Variants in MLXIP observed in about 807,000 individuals in gnomAD.
MLXIP encodes the protein MLX-interacting protein.
MLXIP carries 30 observed loss-of-function variants against 87.2 expected under a neutral mutation model. The observed-to-expected ratio is 0.34, with a 90% CI of 0.26 to 0.47. The LOEUF is 0.47. Among genes scored for constraint, MLXIP ranks in the 20% least tolerant of loss-of-function variants. The pLI is 1.00. For synonymous variants in MLXIP, 530 were observed against 514.0 expected (o/e 1.03, Z -0.42); for missense variants, 1,002 against 1,240.1 (o/e 0.81, Z 2.88).
At chr12:122,115,310 G>A (rs1056042539) in intron 1 of MLXIP, among the ~76,000 whole-genome samples, 12 of 152,036 alleles carry the variant, frequency 7.9e-5, no homozygotes, top group African/African-American at 2.7e-4. Flanking sequence ...AGTAGTGGCT[G>A]GGCGCGGTGT....
intron 1 of MLXIP, among the ~76,000 whole-genome samples, chr12:122,082,679 T>A (rs1952108496): frequency 6.6e-6 from 1 of 152,244 alleles, no homozygotes; most frequent in South Asian, 2.1e-4. Context: ...AAATGCCTGC[T>A]TGACAAATAC....
intron 1 of MLXIP, among the ~76,000 whole-genome samples, chr12:122,105,036 T>A (rs927946404): frequency 6.6e-6 from 1 of 152,232 alleles, no homozygotes; most frequent in Non-Finnish European, 1.5e-5. Flanking sequence ...TCTAAACCAC[T>A]AAATCACGTG....
intron 1 of MLXIP, among the ~76,000 whole-genome samples, chr12:122,120,169 C>T (rs1040654846): frequency 9.2e-6 from 1 of 109,114 alleles, no homozygotes; most frequent in Non-Finnish European, 1.9e-5. Flanking sequence ...CTTTCCCCCT[C>T]CCCCCTTCTT....
At position 122,133,619 on chromosome 12, in the gene MLXIP, C is replaced by T. The variant is rs1265971817; in HGVS notation, c.1364C>T (p.Pro455Leu). ...PISPVLPLVP[P>L]PATALNPPAP... Reference sequence around the variant, plus strand: ...TCCCCCGTGTTACCATTAGTTCCTCCTCCTGCCACTGCCCTGAACCCCCCG... The same window carrying T: ...TCCCCCGTGTTACCATTAGTTCCTCTTCCTGCCACTGCCCTGAACCCCCCG... Residue 455 changes from proline (P) to leucine (L), a missense_variant, in exon 9 of 17, where the codon CCT becomes CTT. Coordinates refer to ENST00000319080, the MANE Select transcript of MLXIP (RefSeq NM_014938.6). The surrounding 1 kb of genome is among the most constrained non-coding windows in gnomAD (Gnocchi z 4.9). 1.9e-6 allele frequency: 3 copies of T among 1,611,932 alleles called. No individual in the cohort carries two copies. The highest frequency in any genetic ancestry group is 1.3e-5 in the African/African-American group (1 of 74,790).
At chr12:122,123,835 G>A (rs995553727) in intron 1 of MLXIP, among the ~76,000 whole-genome samples, 1 of 152,276 alleles carries the variant, frequency 6.6e-6, no homozygotes, top group South Asian at 2.1e-4. Flanking sequence ...CAGTAGCTAG[G>A]ACTACAGACG....
At chr12:122,129,063 T>G in intron 3 of MLXIP, 74 bp from the exon 4 acceptor site, 2 of 1,242,610 alleles carry the variant, frequency 1.6e-6, no homozygotes, top group Non-Finnish European at 2.3e-6. Context: ...TAGTGCCGGA[T>G]ACTCAGTACA....
Position 122,078,877 on chromosome 12 carries a change from C to T in MLXIP, c.24C>T (p.Cys8=). The T allele has an allele frequency of 1.8e-6, 2 of 1,127,738 alleles. No individual in the cohort carries two copies. The highest frequency in any genetic ancestry group is 2.2e-6 in the Non-Finnish European group (2 of 918,718). The allele number at this position is 1,127,738 out of a possible 1,614,324, so 69.9% of individuals were successfully genotyped here. A position where few individuals can be genotyped will look rare whatever the true frequency, so the allele number is the denominator to read the frequency against. MAADVFM[C]SPRRPRSRGR... ...TCATGGCCGCCGACGTCTTCATGTG[C>T]TCCCCGCGCCGGCCTCGCAGCCGGG... Residue 8 remains cysteine (C), a synonymous_variant, in exon 1 of 17, where the codon TGC becomes TGT. Coordinates refer to ENST00000319080, the MANE Select transcript of MLXIP (RefSeq NM_014938.6).
chr12:122,105,779 CAA>C (rs1047110196), intron 1 of MLXIP, among the ~76,000 whole-genome samples: 1 of 133,532 alleles, frequency 7.5e-6, no homozygotes, highest in Non-Finnish European at 1.6e-5. Context: ...GACTCCGTCT[CAA>C]AAAAAAAAAA....
chr12:122,089,831 G>T (rs1490875038), intron 1 of MLXIP, among the ~76,000 whole-genome samples: 3 of 152,140 alleles, frequency 2.0e-5, no homozygotes, highest in Non-Finnish European at 2.9e-5. Context: ...TTTGTTATTC[G>T]GGTATTGACT....
chr12:122,116,053 AACACACAC>A (rs138548664), intron 1 of MLXIP, among the ~76,000 whole-genome samples: 63,549 of 147,186 alleles, frequency 0.43, 13,751 homozygotes, highest in Middle Eastern at 0.61. Context: ...TCCATCTGAA[AACACACAC>A]ACACACACAC....
intron 1 of MLXIP, among the ~76,000 whole-genome samples, chr12:122,094,856 TTC>T (rs1189273658): frequency 8.4e-5 from 11 of 131,456 alleles, no homozygotes; most frequent in South Asian, 5.1e-4. Flanking sequence ...TTTGCAGTGT[TTC>T]TATGGTGTGG....
intron 3 of MLXIP, chr12:122,128,894 A>G (rs1198651932): frequency 7.6e-6 from 4 of 527,972 alleles, no homozygotes; most frequent in Non-Finnish European, 1.4e-5. Flanking sequence ...ACAGAGCCTC[A>G]GGACCGTGCC....
At chr12:122,131,282 TG>T (rs1313908659) in intron 7 of MLXIP, among the ~76,000 whole-genome samples, 3 of 151,884 alleles carry the variant, frequency 2.0e-5, no homozygotes, top group Non-Finnish European at 4.4e-5. Context: ...ACGTCAGGCC[TG>T]GGAGTGTTTC....
intron 1 of MLXIP, among the ~76,000 whole-genome samples, chr12:122,096,746 T>C (rs1952358137): frequency 6.6e-6 from 1 of 152,202 alleles, no homozygotes; most frequent in Non-Finnish European, 1.5e-5. Context: ...TGTGGTGCTC[T>C]GCTGACAGAC....
In MLXIP at chr12:122,143,903, T is replaced by A. The variant is rs1953254216; in HGVS notation, c.*2091T>A. ...TAGGTTGTGTGAGCCTTGAAGTGTG[T>A]GTGTGTGTCCCAGCGACTGTCCACT... On this transcript the variant is annotated 3_prime_UTR_variant, in exon 17 of 17. Transcript: ENST00000319080. 6.6e-6 allele frequency: 1 copy of A among 152,660 alleles called. No individual in the cohort carries two copies. The allele number at this position is 152,660 out of a possible 1,614,324, so 9.5% of individuals were successfully genotyped here.
chr12:122,094,167 CTG>C (rs1211928996), intron 1 of MLXIP, among the ~76,000 whole-genome samples: 41 of 109,710 alleles, frequency 3.7e-4, no homozygotes, highest in Non-Finnish European at 4.9e-4. Context: ...TTTGCAGTGT[CTG>C]TGTGTGGTGT....
At chr12:122,091,780 CTG>C (rs1319014438) in intron 1 of MLXIP, among the ~76,000 whole-genome samples, 1 of 152,118 alleles carries the variant, frequency 6.6e-6, no homozygotes, top group East Asian at 1.9e-4. Context: ...GTAGTGGAGA[CTG>C]TGGTGGTGAA....
intron 1 of MLXIP, among the ~76,000 whole-genome samples, chr12:122,103,575 C>G (rs1402834698): frequency 2.1e-5 from 3 of 142,480 alleles, no homozygotes; most frequent in African/African-American, 5.3e-5. Context: ...GGCTGGAGTT[C>G]AGTGGCACGA....
chr12:122,127,555 A>G (rs1952900497), intron 2 of MLXIP, among the ~76,000 whole-genome samples, 193 bp downstream of exon 2: 1 of 152,186 alleles, frequency 6.6e-6, no homozygotes, highest in Non-Finnish European at 1.5e-5. Context: ...AGGTCTAGGA[A>G]GACTCAGGCA....
Sources: gnomAD v4.1 joint callset for allele counts (sites outside exome capture counted in the v4.1 genomes callset) on GRCh38, gnomAD v4.1.1 for gene constraint, Gnocchi (gnomAD v3.1) non-coding constraint, MANE v1.5 for transcripts, NCBI Gene and HGNC (gene_info 2026-07-23, HGNC 2026-07-21) for gene names.